The following GPR158 variants were observed in gnomAD, a reference collection of about 807,000 sequenced individuals.
GPR158 encodes the protein metabotropic glycine receptor.
A neutral mutation model predicts 78.2 loss-of-function variants in GPR158; 30 were observed. That is an observed-to-expected ratio of 0.38 (90% confidence interval 0.29 to 0.52). The LOEUF (loss-of-function observed/expected upper bound fraction) is 0.52, where lower values mean the gene tolerates loss of function less well. Among genes scored for constraint, GPR158 ranks in the 20% least tolerant of loss-of-function variants. GPR158 has a pLI of 0.83. For synonymous variants in GPR158, 581 were observed against 591.1 expected, an observed-to-expected ratio of 0.98 and a Z score of 0.25; for missense variants, 1,463 against 1,523.5, an observed-to-expected ratio of 0.96 and a Z score of 0.66.
At chr10:25,522,189 C>T (rs1051070748) in intron 5 of GPR158, among the ~76,000 whole-genome samples, 2 of 152,188 alleles carry the variant, frequency 1.3e-5, no homozygotes, top group African/African-American at 2.4e-5. Flanking sequence ...CATAGGTATT[C>T]TCAACAGCAC....
intron 3 of GPR158, among the ~76,000 whole-genome samples, chr10:25,403,768 G>A (rs1277990291): frequency 2.0e-5 from 3 of 151,942 alleles, no homozygotes; most frequent in Non-Finnish European, 4.4e-5. Flanking sequence ...AATTTCTTAA[G>A]CATACATGGT....
chr10:25,472,225 T>C (rs1199125134), intron 5 of GPR158, among the ~76,000 whole-genome samples: 1 of 152,102 alleles, frequency 6.6e-6, no homozygotes, highest in Admixed American at 6.5e-5. Context: ...AGGGAATCCT[T>C]TCCCCATTTC....
chr10:25,354,844 G>A (rs1288279077), intron 2 of GPR158, among the ~76,000 whole-genome samples: 1 of 152,014 alleles, frequency 6.6e-6, no homozygotes, highest in Non-Finnish European at 1.5e-5. Flanking sequence ...TTCTTGGATG[G>A]CAGTTGTTTT....
At chr10:25,238,130 A>G (rs777357275) in intron 2 of GPR158, among the ~76,000 whole-genome samples, 3 of 151,962 alleles carry the variant, frequency 2.0e-5, no homozygotes, top group Non-Finnish European at 4.4e-5. Flanking sequence ...TGAAAGCTAG[A>G]TGCTCTCATT....
At chr10:25,554,278 G>T (rs909784601) in intron 6 of GPR158, among the ~76,000 whole-genome samples, 9 of 152,152 alleles carry the variant, frequency 5.9e-5, no homozygotes, top group African/African-American at 2.2e-4. Context: ...TCTCTAGGCA[G>T]AAAATTCTCA....
chr10:25,506,431 A>G (rs926153474), intron 5 of GPR158, among the ~76,000 whole-genome samples: 5 of 152,260 alleles, frequency 3.3e-5, no homozygotes, highest in African/African-American at 1.2e-4. Flanking sequence ...CTAACCCAAC[A>G]GCAGGATAGC....
chr10:25,315,383 T>G (rs543389864), intron 2 of GPR158, among the ~76,000 whole-genome samples: 2 of 152,278 alleles, frequency 1.3e-5, no homozygotes, highest in East Asian at 3.9e-4. Context: ...TTTAATGTCT[T>G]TTTTGTTAGA....
intron 4 of GPR158, among the ~76,000 whole-genome samples, chr10:25,421,701 A>G (rs963136184): frequency 1.3e-5 from 2 of 152,176 alleles, no homozygotes; most frequent in Non-Finnish European, 2.9e-5. Flanking sequence ...ATTCTATTGA[A>G]CTAATAAAAT....
chr10:25,352,450 G>A (rs35361058), intron 2 of GPR158, among the ~76,000 whole-genome samples: 8,531 of 151,972 alleles, frequency 0.056, 523 homozygotes, highest in African/African-American at 0.15. Flanking sequence ...TAATATCTTA[G>A]TTTTTAGAAC....
chr10:25,565,094 T>G (rs1836910759), intron 6 of GPR158, among the ~76,000 whole-genome samples: 1 of 152,226 alleles, frequency 6.6e-6, no homozygotes, highest in South Asian at 2.1e-4. Context: ...CAAATTCCAT[T>G]TTACCCTGCT....
At chr10:25,205,715 G>T (rs1438616620) in intron 1 of GPR158, among the ~76,000 whole-genome samples, 2 of 151,918 alleles carry the variant, frequency 1.3e-5, no homozygotes, top group Non-Finnish European at 2.9e-5. Context: ...CAGGTTGTTT[G>T]CTTTCCATGT....
chr10:25,399,542 A>C (rs1355685290), intron 3 of GPR158, among the ~76,000 whole-genome samples: 2 of 152,186 alleles, frequency 1.3e-5, no homozygotes, highest in African/African-American at 2.4e-5. Flanking sequence ...ACCTCAGTCC[A>C]TAGAAAAATT....
At chr10:25,263,776 A>G (rs1854001733) in intron 2 of GPR158, among the ~76,000 whole-genome samples, 1 of 152,082 alleles carries the variant, frequency 6.6e-6, no homozygotes, top group Admixed American at 6.6e-5. Context: ...GTCTCTACTA[A>G]AAATATAGAA....
intron 2 of GPR158, among the ~76,000 whole-genome samples, chr10:25,301,063 A>G (rs1854586220): frequency 6.6e-6 from 1 of 152,202 alleles, no homozygotes; most frequent in African/African-American, 2.4e-5. Flanking sequence ...CATTTTGTGT[A>G]ATATCAACAT....
At chr10:25,327,206 T>G (rs1855048280) in intron 2 of GPR158, among the ~76,000 whole-genome samples, 1 of 151,872 alleles carries the variant, frequency 6.6e-6, no homozygotes, top group African/African-American at 2.4e-5. Flanking sequence ...AAAACCACCC[T>G]AAATACCTGC....
chr10:25,307,788 G>C (rs1854701914), intron 2 of GPR158, among the ~76,000 whole-genome samples: 1 of 152,076 alleles, frequency 6.6e-6, no homozygotes, highest in Non-Finnish European at 1.5e-5. Flanking sequence ...CTGTTCTGTA[G>C]TTTATTTAAT....
chr10:25,276,793 A>G (rs1195066442), intron 2 of GPR158, among the ~76,000 whole-genome samples: 1 of 152,104 alleles, frequency 6.6e-6, no homozygotes, highest in Non-Finnish European at 1.5e-5. Context: ...ACCTGAACCA[A>G]TTCCAGAGAT....
chr10:25,552,655 A>G (rs1025080126), intron 6 of GPR158, among the ~76,000 whole-genome samples: 1 of 152,224 alleles, frequency 6.6e-6, no homozygotes, highest in African/African-American at 2.4e-5. Flanking sequence ...TTTAATACAT[A>G]TGAGTAGATG....
At chr10:25,197,923 G>T (rs1292772418) in intron 1 of GPR158, among the ~76,000 whole-genome samples, 1 of 152,128 alleles carries the variant, frequency 6.6e-6, no homozygotes, top group African/African-American at 2.4e-5. Context: ...TATCCAAAGA[G>T]GTTCTTTAAA....
Sources: allele counts gnomAD v4.1 joint callset (sites outside exome capture counted in the v4.1 genomes callset), GRCh38; gene constraint gnomAD v4.1.1; transcripts MANE v1.5; gene names NCBI Gene and HGNC (gene_info 2026-07-23, HGNC 2026-07-21).